Variants in LRMDA observed in about 807,000 individuals in gnomAD.
LRMDA encodes the protein leucine rich melanocyte differentiation associated.
Under a neutral mutation model 29.8 loss-of-function variants are expected in LRMDA, and 18 were observed. That is an observed-to-expected ratio of 0.60 (90% CI 0.42 to 0.90). The LOEUF (loss-of-function observed/expected upper bound fraction) is 0.90. LRMDA is among the 40% of genes least tolerant of loss of function. The pLI, the probability that LRMDA is intolerant of heterozygous loss-of-function variation, is 0.00. For missense variants in LRMDA, 273 were observed against 273.9 expected (o/e 1.00, Z 0.02); for synonymous variants, 125 against 109.4 (o/e 1.14, Z -0.89).
chr10:75,560,397 T>G (rs1840276283), intron 2 of LRMDA, among the ~76,000 whole-genome samples: 1 of 150,542 alleles, frequency 6.6e-6, no homozygotes, highest in Admixed American at 6.6e-5. Flanking sequence ...TCCTGAGACT[T>G]TGCTGAAGTT....
chr10:76,394,722 A>G (rs1202756982), intron 6 of LRMDA, among the ~76,000 whole-genome samples: 2 of 152,172 alleles, frequency 1.3e-5, no homozygotes, highest in East Asian at 1.9e-4. Context: ...CTACAGTGCT[A>G]CTGTTATTAT....
At chr10:75,705,180 C>T (rs1002361883) in intron 2 of LRMDA, among the ~76,000 whole-genome samples, 15 of 152,200 alleles carry the variant, frequency 9.9e-5, no homozygotes, top group Non-Finnish European at 2.1e-4. Context: ...AAGCTCAAGG[C>T]CCCCAGATGT....
chr10:76,504,509 A>G (rs554428837), intron 6 of LRMDA, among the ~76,000 whole-genome samples: 7 of 152,200 alleles, frequency 4.6e-5, no homozygotes, highest in African/African-American at 1.7e-4. Flanking sequence ...TTGGGTACAT[A>G]TATGTTTATG....
intron 5 of LRMDA, among the ~76,000 whole-genome samples, chr10:76,221,996 C>T (rs1374396634): frequency 6.6e-6 from 1 of 152,028 alleles, no homozygotes; most frequent in African/African-American, 2.4e-5. Flanking sequence ...TTTGACAAAC[C>T]TGAGAAAAAC....
At chr10:76,053,314 C>T (rs942362164) in intron 4 of LRMDA, among the ~76,000 whole-genome samples, 2 of 152,148 alleles carry the variant, frequency 1.3e-5, no homozygotes, top group African/African-American at 4.8e-5. Context: ...GGGGAGTTAA[C>T]CTTCCCGCAT....
At chr10:75,729,280 C>A (rs949900532) in intron 2 of LRMDA, among the ~76,000 whole-genome samples, 1 of 152,192 alleles carries the variant, frequency 6.6e-6, no homozygotes, top group African/African-American at 2.4e-5. Flanking sequence ...CCAGGGAGTT[C>A]TATGTGTCCA....
intron 6 of LRMDA, among the ~76,000 whole-genome samples, chr10:76,485,110 T>C (rs1470291793): frequency 1.3e-5 from 2 of 151,856 alleles, no homozygotes; most frequent in Non-Finnish European, 2.9e-5. Context: ...CTATAATAGG[T>C]ATATTTAGAC....
intron 5 of LRMDA, among the ~76,000 whole-genome samples, chr10:76,220,099 C>A (rs563719897): frequency 2.0e-5 from 3 of 152,294 alleles, no homozygotes; most frequent in South Asian, 2.1e-4. Flanking sequence ...ACCAGAATCT[C>A]TGGGAAACAT....
chr10:76,421,331 T>C (rs993807247), intron 6 of LRMDA, among the ~76,000 whole-genome samples: 3 of 152,220 alleles, frequency 2.0e-5, no homozygotes, highest in Non-Finnish European at 2.9e-5. Flanking sequence ...TTTGTAAACA[T>C]ACACTTTCTC....
At chr10:76,293,495 GCTT>G (rs1840375154) in intron 5 of LRMDA, among the ~76,000 whole-genome samples, 1 of 152,132 alleles carries the variant, frequency 6.6e-6, no homozygotes, top group Non-Finnish European at 1.5e-5. Context: ...TCAGATTTTT[GCTT>G]CTAAGTATCT....
chr10:75,477,869 T>A (rs147957913), intron 2 of LRMDA, among the ~76,000 whole-genome samples: 14 of 152,378 alleles, frequency 9.2e-5, no homozygotes, highest in African/African-American at 3.4e-4. Flanking sequence ...CAGAACTCCC[T>A]GTCATGCAGG....
intron 5 of LRMDA, among the ~76,000 whole-genome samples, chr10:76,072,889 C>T (rs1848896768): frequency 6.6e-6 from 1 of 152,240 alleles, no homozygotes; most frequent in African/African-American, 2.4e-5. Context: ...GCAGACCTTT[C>T]TGTGGAGTAG....
intron 2 of LRMDA, among the ~76,000 whole-genome samples, chr10:75,569,835 A>C (rs1250372832): frequency 6.6e-6 from 1 of 152,234 alleles, no homozygotes; most frequent in African/African-American, 2.4e-5. Flanking sequence ...AGCTGTGCTC[A>C]GCTTGCCAGT....
chr10:75,959,088 A>G (rs1202702960), intron 2 of LRMDA, among the ~76,000 whole-genome samples: 4 of 152,192 alleles, frequency 2.6e-5, no homozygotes, highest in Admixed American at 2.0e-4. Context: ...GCCAAACCAT[A>G]TCAGAGAGCA....
chr10:76,310,161 T>G (rs1318485149), intron 5 of LRMDA, among the ~76,000 whole-genome samples: 1 of 152,170 alleles, frequency 6.6e-6, no homozygotes, highest in African/African-American at 2.4e-5. Context: ...TAGATGAAAA[T>G]TCAGGGTCTT....
chr10:76,327,356 GCTGGGACTACA>G lies in LRMDA; in HGVS notation c.601+2872_601+2882del, dbSNP rs546831629. ...TTCACCTGCCTCGGCCTCCCAAAGT[GCTGGGACTACA>G]GGTGTGAGCCACCACGCCCAGCCTC... On this transcript the variant is annotated intron_variant, in intron 6 of 6. Coordinates refer to ENST00000611255, the MANE Select transcript of LRMDA (RefSeq NM_001305581.2). 2.9e-3 allele frequency among the ~76,000 whole-genome samples: 434 copies of G among 152,254 alleles called. 2 individuals carry two copies. Among genetic ancestry groups the G allele is most frequent in the African/African-American group, 9.8e-3 (408 of 41,538 alleles).
At chr10:75,533,408 C>G (rs191502375) in intron 2 of LRMDA, among the ~76,000 whole-genome samples, 191 of 152,292 alleles carry the variant, frequency 1.3e-3, no homozygotes, top group Admixed American at 2.7e-3. Context: ...AAAAGGCTGA[C>G]AAGGGAGCCT....
intron 2 of LRMDA, among the ~76,000 whole-genome samples, chr10:75,730,403 C>T (rs1842682119): frequency 6.6e-6 from 1 of 152,068 alleles, no homozygotes; most frequent in African/African-American, 2.4e-5. Flanking sequence ...TCTGTCCCTC[C>T]CGACCCCCGA....
At chr10:75,609,126 A>G (rs922307610) in intron 2 of LRMDA, among the ~76,000 whole-genome samples, 1 of 152,176 alleles carries the variant, frequency 6.6e-6, no homozygotes, top group Non-Finnish European at 1.5e-5. Context: ...TTGTGCTAGC[A>G]TGCAGCCAGC....
Sources: gnomAD v4.1 joint callset for allele counts (sites outside exome capture counted in the v4.1 genomes callset) on GRCh38, gnomAD v4.1.1 for gene constraint, MANE v1.5 for transcripts, NCBI Gene and HGNC (gene_info 2026-07-23, HGNC 2026-07-21) for gene names.